Variants in PDK1 observed in about 807,000 individuals in gnomAD.
The protein encoded by PDK1 is [Pyruvate dehydrogenase (acetyl-transferring)] kinase isozyme 1, mitochondrial.
Under a neutral mutation model 54.2 loss-of-function variants are expected in PDK1, and 39 were observed. The ratio of observed to expected loss-of-function variants is 0.72; its 90% CI spans 0.56 to 0.94. The LOEUF is 0.94. Ranked by LOEUF, PDK1 falls within the 40% of genes least tolerant of loss-of-function variation. The pLI, the probability that PDK1 is intolerant of heterozygous loss-of-function variation, is 0.00. For synonymous variants in PDK1, 221 were observed against 207.1 expected, an observed-to-expected ratio of 1.07 and a Z score of -0.58; for missense variants, 552 against 566.0, an observed-to-expected ratio of 0.98 and a Z score of 0.25.
the PDK1 span, among the ~76,000 whole-genome samples, chr2:172,628,324 A>T: frequency 6.6e-6 from 1 of 152,188 alleles, no homozygotes; most frequent in African/African-American, 2.4e-5. Context: ...CACCATGTGG[A>T]TATCTGGTCT....
At chr2:172,615,507 C>T in the PDK1 span, among the ~76,000 whole-genome samples, 197 of 152,110 alleles carry the variant, frequency 1.3e-3, no homozygotes, top group African/African-American at 4.5e-3. Context: ...CCTGTAATTC[C>T]AGCCACTCGG....
rs1691131852 is a variant in PDK1 at position 172,601,972 on chromosome 2, A to G, written c.*6003A>G. On this transcript the variant is annotated 3_prime_UTR_variant, in exon 11 of 11. Transcript: ENST00000282077. ...TTTCTAGGAAAACAGTAGAAGATCC[A>G]TCTAAGATTTTGACAATTTAAATCA... 1 of 152,222 alleles carries G rather than the reference A, an allele frequency of 6.6e-6. No homozygotes were observed. Among genetic ancestry groups the G allele is most frequent in the African/African-American group, 2.4e-5 (1 of 41,464 alleles). 9.4% of individuals were successfully genotyped at this position (152,222 alleles called of 1,614,324 possible).
At chr2:172,682,122 A>T in the PDK1 span, among the ~76,000 whole-genome samples, 1 of 152,172 alleles carries the variant, frequency 6.6e-6, no homozygotes, top group Non-Finnish European at 1.5e-5. Flanking sequence ...ATTTGAGCAA[A>T]GGCTTGAAAG....
the PDK1 span, among the ~76,000 whole-genome samples, chr2:172,704,630 T>C: frequency 6.6e-6 from 1 of 152,174 alleles, no homozygotes; most frequent in Non-Finnish European, 1.5e-5. Context: ...TCTTTAAAAA[T>C]GCCATGCTCA....
intron 8 of PDK1, among the ~76,000 whole-genome samples, chr2:172,572,896 C>T (rs1178740716): frequency 6.6e-6 from 1 of 152,094 alleles, no homozygotes; most frequent in Admixed American, 6.5e-5. Context: ...ACTTCTTTCA[C>T]TTAGTATAAT....
At chr2:172,584,856 A>G (rs1219606585) in intron 8 of PDK1, among the ~76,000 whole-genome samples, 1 of 146,548 alleles carries the variant, frequency 6.8e-6, no homozygotes, top group South Asian at 2.2e-4. Flanking sequence ...TTTTTGTACA[A>G]ACGGAGTCTC....
At chr2:172,634,329 A>G in the PDK1 span, among the ~76,000 whole-genome samples, 3 of 125,022 alleles carry the variant, frequency 2.4e-5, no homozygotes, top group African/African-American at 5.6e-5. Context: ...CTGGAGTGCA[A>G]TGGCGCAATC....
rs571090321 is a variant in PDK1, at chr2:172,572,081, C to T, written c.945+1257C>T. The stretch of plus-strand genomic sequence containing the variant: ...TCGACCTCGTGTTATCCGCCTGCCT[C>T]GGCCTCCCGAAGTGCTGGGATTACA... On this transcript the variant is annotated intron_variant, in intron 8 of 10. Transcript: ENST00000282077. Among the ~76,000 whole-genome samples the T allele has an allele frequency of 3.6e-4, 55 of 152,204 alleles. 1 individual carries two copies. Among genetic ancestry groups the T allele is most frequent in the East Asian group, 2.3e-3 (12 of 5,160 alleles).
At chr2:172,620,140 T>C in the PDK1 span, among the ~76,000 whole-genome samples, 7 of 152,218 alleles carry the variant, frequency 4.6e-5, no homozygotes, top group Non-Finnish European at 8.8e-5. Flanking sequence ...TACTCCAGTC[T>C]GGATGACAGA....
the PDK1 span, among the ~76,000 whole-genome samples, chr2:172,682,051 G>T: frequency 6.6e-6 from 1 of 152,214 alleles, no homozygotes. Flanking sequence ...GAGCCACCAC[G>T]CCCAGCCAGG....
the PDK1 span, among the ~76,000 whole-genome samples, chr2:172,643,102 G>A: frequency 2.0e-5 from 3 of 152,180 alleles, no homozygotes; most frequent in Admixed American, 2.0e-4. Context: ...GAAAGCGCTG[G>A]GAGTCTTCCC....
At chr2:172,642,716 C>T in the PDK1 span, among the ~76,000 whole-genome samples, 1,399 of 152,292 alleles carry the variant, frequency 9.2e-3, 17 homozygotes, top group African/African-American at 0.031. Flanking sequence ...TCTTGGGCTC[C>T]CTCCCTCAGG....
the PDK1 span, among the ~76,000 whole-genome samples, chr2:172,622,969 C>T: frequency 6.7e-6 from 1 of 149,692 alleles, no homozygotes; most frequent in South Asian, 2.1e-4. Flanking sequence ...AGATAGATCT[C>T]CTATTAGTTC....
chr2:172,655,981 G>T, the PDK1 span, among the ~76,000 whole-genome samples: 10 of 152,276 alleles, frequency 6.6e-5, no homozygotes, highest in Non-Finnish European at 7.4e-5. Context: ...CTTTAAACAT[G>T]AGAGATATTC....
the PDK1 span, chr2:172,677,532 C>G: frequency 6.6e-6 from 1 of 152,322 alleles, no homozygotes; most frequent in East Asian, 1.9e-4. Context: ...CAAGTCCAGA[C>G]AGCAACTTGC....
At chr2:172,687,572 C>T in the PDK1 span, among the ~76,000 whole-genome samples, 1 of 152,004 alleles carries the variant, frequency 6.6e-6, no homozygotes, top group Non-Finnish European at 1.5e-5. Context: ...TTCTAAATCC[C>T]TACCCCCCAA....
In PDK1 at chr2:172,608,494, G is replaced by C. The variant is rs963817365; in HGVS notation, c.*12525G>C. ...GCAAGAAATTTTAAATTTCCATCAT[G>C]TTAAATTGTACAACTGTTTATCATT... On this transcript the variant is annotated 3_prime_UTR_variant, in exon 11 of 11. Coordinates refer to ENST00000282077, the MANE Select transcript of PDK1 (RefSeq NM_002610.5). 4.6e-5 allele frequency: 7 copies of C among 152,164 alleles called. No individual in the cohort carries two copies. Among genetic ancestry groups the C allele is most frequent in the Non-Finnish European group, 8.8e-5 (6 of 68,026 alleles). 9.4% of individuals were successfully genotyped at this position (152,164 alleles called of 1,614,324 possible). A position where few individuals can be genotyped will look rare whatever the true frequency, so the allele number is the denominator to read the frequency against.
At chr2:172,702,678 A>C in the PDK1 span, among the ~76,000 whole-genome samples, 71 of 148,822 alleles carry the variant, frequency 4.8e-4, no homozygotes, top group African/African-American at 1.3e-3. Flanking sequence ...TCATCTCTCT[A>C]GGTTTCCTCC....
chr2:172,642,832 C>CTTCCTCTTCCTTCTCCTT, the PDK1 span, among the ~76,000 whole-genome samples: 1 of 150,578 alleles, frequency 6.6e-6, no homozygotes, highest in African/African-American at 2.4e-5. Flanking sequence ...TTCTCCTCCT[C>CTTCCTCTTCCTTCTCCTT]TTCCTCTTCC....
Sources: gnomAD v4.1 joint callset for allele counts (sites outside exome capture counted in the v4.1 genomes callset) on GRCh38, gnomAD v4.1.1 for gene constraint, MANE v1.5 for transcripts, NCBI Gene and HGNC (gene_info 2026-07-23, HGNC 2026-07-21) for gene names.